CCDC171: variants seen among roughly 807,000 people sequenced by gnomAD.
CCDC171 encodes coiled-coil domain-containing protein 171.
A neutral mutation model predicts 168.2 loss-of-function variants in CCDC171; 177 were observed. That is an observed-to-expected ratio of 1.05 (90% confidence interval 0.93 to 1.19). The LOEUF is 1.19. CCDC171 is among the 50% of genes most tolerant of loss of function. The pLI, the probability that CCDC171 is intolerant of heterozygous loss-of-function variation, is 0.00. For missense variants in CCDC171, 1,991 were observed against 1,539.0 expected, an observed-to-expected ratio of 1.29 and a Z score of -4.91; for synonymous variants, 687 against 540.8, an observed-to-expected ratio of 1.27 and a Z score of -3.75.
intron 23 of CCDC171, among the ~76,000 whole-genome samples, chr9:15,866,737 A>G (rs563589466): frequency 6.6e-6 from 1 of 152,138 alleles, no homozygotes; most frequent in South Asian, 2.1e-4. Context: ...GAGAAACAAG[A>G]CATTATAGAT....
At chr9:15,862,031 C>T (rs2061582841) in intron 23 of CCDC171, among the ~76,000 whole-genome samples, 1 of 151,448 alleles carries the variant, frequency 6.6e-6, no homozygotes, top group African/African-American at 2.4e-5. Flanking sequence ...CATTCTTTTT[C>T]CCTTTCATCC....
intron 7 of CCDC171, among the ~76,000 whole-genome samples, chr9:15,631,632 T>A (rs1475206181): frequency 3.3e-5 from 5 of 152,150 alleles, no homozygotes; most frequent in Non-Finnish European, 5.9e-5. Flanking sequence ...ACTATTCCAG[T>A]CAATAGAAAA....
intron 23 of CCDC171, among the ~76,000 whole-genome samples, chr9:15,863,021 G>A (rs1046166596): frequency 6.6e-6 from 1 of 151,654 alleles, no homozygotes; most frequent in African/African-American, 2.4e-5. Context: ...GAATATCTGT[G>A]CTCTAGTCCA....
intron 25 of CCDC171, among the ~76,000 whole-genome samples, chr9:15,942,025 A>C (rs1160893097): frequency 1.3e-5 from 2 of 151,906 alleles, no homozygotes; most frequent in Non-Finnish European, 2.9e-5. Flanking sequence ...CTTGCTTGGA[A>C]TAGTATTTTC....
intron 3 of CCDC171, among the ~76,000 whole-genome samples, chr9:15,996,838 A>G (rs541884063): frequency 4.9e-4 from 75 of 152,284 alleles, no homozygotes; most frequent in Admixed American, 1.9e-3. Flanking sequence ...ATGAATATGA[A>G]GACAAATTGA....
In CCDC171 at chr9:16,008,513, T is replaced by C. The variant is rs914812973; in HGVS notation, n.369-12076T>C. ...CCAGAAATGTTTTTTTCCAACTGTT[T>C]CCCAAGTCTTTCTGAGAGTCCCCTG... is the stretch of plus-strand genomic sequence containing the variant. On this transcript the variant is annotated intron_variant and non_coding_transcript_variant, in intron 3 of 9. Transcript: ENST00000486641. Among the ~76,000 whole-genome samples, 5 of 152,206 alleles carry C rather than the reference T, an allele frequency of 3.3e-5. No individual in the cohort carries two copies. In the East Asian group the frequency reaches 9.6e-4, roughly 29 times the overall value.
At chr9:15,753,147 G>A (rs2055871392) in intron 18 of CCDC171, among the ~76,000 whole-genome samples, 1 of 152,140 alleles carries the variant, frequency 6.6e-6, no homozygotes, top group Non-Finnish European at 1.5e-5. Flanking sequence ...AATTAAGGGT[G>A]AGATGAAGAG....
chr9:15,746,276 G>C (rs1360477799), intron 18 of CCDC171, among the ~76,000 whole-genome samples: 3 of 152,124 alleles, frequency 2.0e-5, no homozygotes, highest in African/African-American at 7.2e-5. Flanking sequence ...CTTAAGATTT[G>C]TCTGTTTAAT....
At chr9:15,752,544 C>G (rs942348069) in intron 18 of CCDC171, among the ~76,000 whole-genome samples, 1 of 152,134 alleles carries the variant, frequency 6.6e-6, no homozygotes, top group African/African-American at 2.4e-5. Flanking sequence ...ATATGTACAC[C>G]ATGGAATACT....
intron 4 of CCDC171, among the ~76,000 whole-genome samples, chr9:15,589,437 G>A (rs1191559084): frequency 6.6e-6 from 1 of 151,982 alleles, no homozygotes; most frequent in Non-Finnish European, 1.5e-5. Context: ...GATAAATCCT[G>A]CCATTTTCAT....
chr9:15,558,546 G>A (rs1037854443), intron 1 of CCDC171, among the ~76,000 whole-genome samples: 2 of 152,182 alleles, frequency 1.3e-5, no homozygotes, highest in Non-Finnish European at 1.5e-5. Flanking sequence ...ATTCTCTGAT[G>A]GTAGTTTGTA....
chr9:16,041,416 T>G (rs997205834), upstream of CCDC171, among the ~76,000 whole-genome samples: 1 of 151,948 alleles, frequency 6.6e-6, no homozygotes, highest in African/African-American at 2.4e-5. Flanking sequence ...GAAAAGGAAG[T>G]TTAGGTGGGA....
intron 24 of CCDC171, among the ~76,000 whole-genome samples, chr9:15,884,504 A>C (rs1819131612): frequency 6.6e-6 from 1 of 152,162 alleles, no homozygotes; most frequent in African/African-American, 2.4e-5. Context: ...TATGTCATTG[A>C]GTTATGTTGA....
At chr9:15,720,800 A>G (rs1051767351) in intron 11 of CCDC171, among the ~76,000 whole-genome samples, 7 of 152,100 alleles carry the variant, frequency 4.6e-5, no homozygotes, top group Admixed American at 6.5e-5. Flanking sequence ...TTAACTCGTC[A>G]TTTACATTAG....
intron 3 of CCDC171, among the ~76,000 whole-genome samples, chr9:16,012,564 C>A (rs10962252): frequency 1.3e-5 from 2 of 149,908 alleles, no homozygotes; most frequent in South Asian, 4.2e-4. Flanking sequence ...TACTATAACC[C>A]GGATAATTTT....
At chr9:15,733,420 G>A (rs1346882923) in intron 16 of CCDC171, among the ~76,000 whole-genome samples, 1 of 150,120 alleles carries the variant, frequency 6.7e-6, no homozygotes, top group Admixed American at 6.6e-5. Context: ...TTTACATCTA[G>A]GTCTATGATC....
At chr9:16,099,555 T>A in the CCDC171 span, among the ~76,000 whole-genome samples, 1 of 152,240 alleles carries the variant, frequency 6.6e-6, no homozygotes, top group African/African-American at 2.4e-5. Context: ...AAAAATGCCA[T>A]GAGCTTCCCT....
chr9:16,036,229 A>G (rs1833464548), intron 8 of CCDC171: 1 of 152,212 alleles, frequency 6.6e-6, no homozygotes, highest in East Asian at 1.9e-4. Flanking sequence ...CAGAAACTAC[A>G]TTAGTTGTCT....
the CCDC171 span, among the ~76,000 whole-genome samples, chr9:16,101,259 T>A: frequency 6.6e-6 from 1 of 152,208 alleles, no homozygotes; most frequent in Non-Finnish European, 1.5e-5. Context: ...CCAGTTAAAT[T>A]TGAATCTCAG....
Sources: allele counts gnomAD v4.1 joint callset (sites outside exome capture counted in the v4.1 genomes callset), GRCh38; gene constraint gnomAD v4.1.1; transcripts MANE v1.5; gene names NCBI Gene and HGNC (gene_info 2026-07-23, HGNC 2026-07-21).